Variants in EFHC2 observed in about 807,000 individuals in gnomAD.
EFHC2 encodes the protein EF-hand domain containing 2.
In EFHC2, 18 loss-of-function variants were observed where a neutral mutation model predicts 52.7. That is an observed-to-expected ratio of 0.34 (90% CI 0.24 to 0.51). The LOEUF (loss-of-function observed/expected upper bound fraction) is 0.51, where lower values mean the gene tolerates loss of function less well. EFHC2 is among the 20% of genes least tolerant of loss of function. The pLI, the probability that EFHC2 is intolerant of heterozygous loss-of-function variation, is 0.97. For synonymous variants in EFHC2, 203 were observed against 204.1 expected (o/e 0.99, Z 0.04); for missense variants, 513 against 562.5 (o/e 0.91, Z 0.89).
chrX:44,234,681 A>G (rs1408373291), intron 9 of EFHC2, among the ~76,000 whole-genome samples: 2 of 112,048 alleles, frequency 1.8e-5, no homozygotes, highest in Non-Finnish European at 3.8e-5. Flanking sequence ...AGCACTGATA[A>G]AAGTTCTAAA....
intron 11 of EFHC2, among the ~76,000 whole-genome samples, chrX:44,217,255 C>A (rs995183557): frequency 1.1e-4 from 12 of 110,847 alleles, no homozygotes; most frequent in Non-Finnish European, 2.1e-4. Flanking sequence ...AAAAGAGAAC[C>A]CTTGTACACT....
At chrX:44,162,030 C>T (rs1215094816) in intron 14 of EFHC2, among the ~76,000 whole-genome samples, 2 of 112,006 alleles carry the variant, frequency 1.8e-5, no homozygotes, top group Non-Finnish European at 3.8e-5. Flanking sequence ...CCTATGATTG[C>T]TAAGAGGATT....
At chrX:44,208,002 T>C (rs1208996690) in intron 11 of EFHC2, among the ~76,000 whole-genome samples, 2 of 112,364 alleles carry the variant, frequency 1.8e-5, no homozygotes, top group African/African-American at 6.5e-5. Flanking sequence ...TAACAGATGC[T>C]GGCAAGGATG....
At chrX:44,174,269 A>C (rs2147276685) in intron 13 of EFHC2, among the ~76,000 whole-genome samples, 1 of 111,799 alleles carries the variant, frequency 8.9e-6, no homozygotes, top group Non-Finnish European at 1.9e-5. Context: ...CCCTTGCACA[A>C]GATCACACAG....
At chrX:44,229,806 CAT>C (rs1340773731) in intron 10 of EFHC2, 27 bp from the exon 11 acceptor site, 6 of 1,190,441 alleles carry the variant, frequency 5.0e-6, no homozygotes, top group Non-Finnish European at 6.8e-6. Flanking sequence ...AAAGGAAAAA[CAT>C]ATTTAAATAT....
chrX:44,341,188 G>C (rs1259228829), intron 1 of EFHC2, among the ~76,000 whole-genome samples: 2 of 111,663 alleles, frequency 1.8e-5, no homozygotes, highest in Non-Finnish European at 3.8e-5. Context: ...TTGATAAAAG[G>C]TTCAAAGGCA....
intron 2 of EFHC2, among the ~76,000 whole-genome samples, chrX:44,294,573 T>C (rs1386210023): frequency 9.0e-6 from 1 of 110,821 alleles, no homozygotes; most frequent in African/African-American, 3.3e-5. Flanking sequence ...CCAACCAAGG[T>C]CACAAAATGG....
chrX:44,334,637 G>A (rs1319071792), intron 1 of EFHC2, among the ~76,000 whole-genome samples: 1 of 111,431 alleles, frequency 9.0e-6, no homozygotes, highest in African/African-American at 3.3e-5. Flanking sequence ...CACCACGCCC[G>A]GCTAGTTTTG....
At chrX:44,155,395 C>G (rs1352566135) in intron 14 of EFHC2, among the ~76,000 whole-genome samples, 1 of 112,201 alleles carries the variant, frequency 8.9e-6, no homozygotes, top group Non-Finnish European at 1.9e-5. Flanking sequence ...GTGAGAACAG[C>G]AAAGCTGTGT....
chrX:44,338,717 T>G (rs2038132159), intron 1 of EFHC2, among the ~76,000 whole-genome samples: 1 of 78,243 alleles, frequency 1.3e-5, no homozygotes, highest in Admixed American at 1.4e-4. Flanking sequence ...TTCTTTTTCT[T>G]TTTTCCTTTT....
chrX:44,341,013 A>G (rs970200413), intron 1 of EFHC2, among the ~76,000 whole-genome samples: 1 of 112,207 alleles, frequency 8.9e-6, no homozygotes, highest in African/African-American at 3.2e-5. Flanking sequence ...ATATTTATCA[A>G]GAGTAAAATG....
chrX:44,154,602 G>A (rs2036593828), intron 14 of EFHC2, among the ~76,000 whole-genome samples: 1 of 109,572 alleles, frequency 9.1e-6, no homozygotes, highest in African/African-American at 3.3e-5. Flanking sequence ...TGCTTGGGAG[G>A]CTGAGGTAGG....
chrX:44,327,506 T>C (rs771739659), intron 1 of EFHC2, among the ~76,000 whole-genome samples: 7 of 112,430 alleles, frequency 6.2e-5, no homozygotes, highest in East Asian at 2.8e-4. Flanking sequence ...TAGATATTTC[T>C]GCCTGATCAG....
intron 1 of EFHC2, among the ~76,000 whole-genome samples, chrX:44,324,112 A>G (rs915180031): frequency 3.6e-5 from 4 of 110,885 alleles, no homozygotes; most frequent in African/African-American, 9.8e-5. Context: ...AACCTCCCCA[A>G]TTGCTCCCAT....
intron 9 of EFHC2, among the ~76,000 whole-genome samples, chrX:44,233,790 T>C (rs1198365318): frequency 9.0e-6 from 1 of 111,497 alleles, no homozygotes; most frequent in Non-Finnish European, 1.9e-5. Context: ...CCCCAGCTGC[T>C]GTGTTCTTAA....
chrX:44,187,705 G>A (rs995987241), intron 11 of EFHC2, among the ~76,000 whole-genome samples: 2 of 110,957 alleles, frequency 1.8e-5, no homozygotes, highest in Admixed American at 9.6e-5. Flanking sequence ...CAGGAGAATC[G>A]CTTGAGTCCA....
intron 13 of EFHC2, among the ~76,000 whole-genome samples, chrX:44,175,097 G>A (rs988386637): frequency 5.4e-5 from 6 of 111,507 alleles, no homozygotes; most frequent in Non-Finnish European, 9.4e-5. Flanking sequence ...CTCCAGCTGC[G>A]AACCCTAAGC....
At chrX:44,243,611 A>G (rs1298862082) in intron 7 of EFHC2, among the ~76,000 whole-genome samples, 1 of 111,871 alleles carries the variant, frequency 8.9e-6, no homozygotes, top group Non-Finnish European at 1.9e-5. Context: ...ATGTCCTTAG[A>G]CTTCCTAGCA....
intron 2 of EFHC2, among the ~76,000 whole-genome samples, chrX:44,307,239 C>A (rs1253842993): frequency 1.8e-5 from 2 of 111,857 alleles, no homozygotes; most frequent in Non-Finnish European, 3.8e-5. Context: ...TTTTAATACA[C>A]TTTCCAAAGA....
Sources: allele counts gnomAD v4.1 joint callset (sites outside exome capture counted in the v4.1 genomes callset), GRCh38; gene constraint gnomAD v4.1.1; transcripts MANE v1.5; gene names NCBI Gene and HGNC (gene_info 2026-07-23, HGNC 2026-07-21).